ADAM19: variants seen among roughly 807,000 people sequenced by gnomAD.
ADAM19 encodes ADAM metallopeptidase domain 19.
In ADAM19, 65 loss-of-function variants were observed where a neutral mutation model predicts 114.7. That is an observed-to-expected ratio of 0.57 (90% CI 0.46 to 0.70). ADAM19 has a LOEUF of 0.70. Among genes scored for constraint, ADAM19 ranks in the 30% least tolerant of loss-of-function variants. ADAM19 has a pLI of 0.00. For synonymous variants in ADAM19, 466 were observed against 460.5 expected, an observed-to-expected ratio of 1.01 and a Z score of -0.15; for missense variants, 1,063 against 1,204.7, an observed-to-expected ratio of 0.88 and a Z score of 1.74.
chr5:157,558,176 G>A (rs886099738), intron 3 of ADAM19, among the ~76,000 whole-genome samples: 3 of 152,184 alleles, frequency 2.0e-5, no homozygotes, highest in East Asian at 1.9e-4. Context: ...TGCCTTCAGC[G>A]TCAACACAGC....
At position 157,477,625 on chromosome 5, in the gene ADAM19, C is replaced by T. The variant is rs10404; in HGVS notation, c.*3324G>A. ...TGGGGAAGGGGACCTTTCCAGTTGGCGTTCCCATGGCTTTCTTGGGTGTCC... is the reference window on the plus strand; with the variant it reads ...TGGGGAAGGGGACCTTTCCAGTTGGTGTTCCCATGGCTTTCTTGGGTGTCC... On this transcript the variant is annotated 3_prime_UTR_variant, in exon 23 of 23. Transcript: ENST00000257527. 0.28 allele frequency: 352,544 copies of T among 1,280,684 alleles called. 51,526 individuals carry two copies. The highest frequency in any genetic ancestry group is 0.72 in the East Asian group (12,904 of 17,826). The allele number at this position is 1,280,684 out of a possible 1,614,324, so 79.3% of individuals were successfully genotyped here.
At chr5:157,508,949 C>T (rs187114149) in intron 9 of ADAM19, among the ~76,000 whole-genome samples, 58 of 152,340 alleles carry the variant, frequency 3.8e-4, no homozygotes, top group African/African-American at 1.3e-3. Context: ...TAGAACAAAG[C>T]GCCAGGAAGA....
intron 5 of ADAM19, among the ~76,000 whole-genome samples, chr5:157,523,390 G>A (rs531877186): frequency 6.6e-6 from 1 of 152,320 alleles, no homozygotes; most frequent in African/African-American, 2.4e-5. Flanking sequence ...TGTTGGAGGT[G>A]GGCCTGGTAG....
At chr5:157,541,390 C>T (rs941889338) in intron 3 of ADAM19, among the ~76,000 whole-genome samples, 1 of 152,150 alleles carries the variant, frequency 6.6e-6, no homozygotes, top group African/African-American at 2.4e-5. Flanking sequence ...TCTGTTCTAC[C>T]CTGCTGCCCC....
intron 5 of ADAM19, among the ~76,000 whole-genome samples, chr5:157,527,019 GT>G (rs1248640429): frequency 6.6e-6 from 1 of 152,016 alleles, no homozygotes; most frequent in African/African-American, 2.4e-5. Flanking sequence ...ATATTAGTCC[GT>G]TTTCACACTG....
chr5:157,542,359 C>T (rs1435783984), intron 3 of ADAM19, among the ~76,000 whole-genome samples: 1 of 151,954 alleles, frequency 6.6e-6, no homozygotes, highest in Non-Finnish European at 1.5e-5. Flanking sequence ...TATTTCTAGC[C>T]TCCTAATCAC....
intron 3 of ADAM19, among the ~76,000 whole-genome samples, chr5:157,539,697 C>A (rs1756865877): frequency 6.6e-6 from 1 of 152,208 alleles, no homozygotes; most frequent in Non-Finnish European, 1.5e-5. Context: ...CAGTGGCTAA[C>A]CTGCCAGAAT....
At chr5:157,530,684 G>T in intron 5 of ADAM19, 123 bp downstream of exon 5, 1 of 751,856 alleles carries the variant, frequency 1.3e-6, no homozygotes, top group Non-Finnish European at 2.3e-6. Flanking sequence ...CCCCTCTCTG[G>T]GCTGGCTTGC....
chr5:157,523,256 G>C (rs774730122), intron 5 of ADAM19, among the ~76,000 whole-genome samples: 1 of 152,162 alleles, frequency 6.6e-6, no homozygotes, highest in Non-Finnish European at 1.5e-5. Context: ...AGATCTCTAG[G>C]AGCAGAGGTC....
rs1297648199 is a variant in ADAM19 at position 157,478,319 on chromosome 5, G to A, written c.*2630C>T. ...AAAAAAAAAAAAAAAAAAAAGGCTG[G>A]GCACAACGTCATTCCCTGAACGTGG... On this transcript the variant is annotated 3_prime_UTR_variant, in exon 23 of 23. Coordinates refer to ENST00000257527, the MANE Select transcript of ADAM19 (RefSeq NM_033274.5). 6.6e-6 allele frequency: 1 copy of A among 150,934 alleles called. No individual in the cohort carries two copies. The highest frequency in any genetic ancestry group is 2.5e-5 in the African/African-American group (1 of 40,778). 9.3% of individuals were successfully genotyped at this position (150,934 alleles called of 1,614,324 possible).
At chr5:157,525,950 A>G (rs1239769527) in intron 5 of ADAM19, among the ~76,000 whole-genome samples, 1 of 152,162 alleles carries the variant, frequency 6.6e-6, no homozygotes, top group Non-Finnish European at 1.5e-5. Context: ...TGATCCATCA[A>G]ATAGACCACT....
Position 157,519,909 on chromosome 5 carries a change from T to C in ADAM19, c.530A>G (p.Glu177Gly). 9 of 1,614,074 alleles carry C rather than the reference T, an allele frequency of 5.6e-6. No homozygotes were observed. The highest frequency in any genetic ancestry group is 7.6e-6 in the Non-Finnish European group (9 of 1,180,004). ...GTCCCTGGTGGTGGGCTTGGAGTGCTCGAACCCACAGTTTCCCGGGGGCGG... is the reference window on the plus strand; with the variant it reads ...GTCCCTGGTGGTGGGCTTGGAGTGCCCGAACCCACAGTTTCCCGGGGGCGG... The part of the protein sequence containing the change: ...LKPPPGNCGF[E>G]HSKPTTRDWA... Residue 177 changes from glutamate (E) to glycine (G), a missense_variant, in exon 6 of 23, where the codon GAG becomes GGG. Glu to Gly is a moderately conservative substitution (Grantham distance 98). Transcript: ENST00000257527.
In ADAM19 at chr5:157,491,730, C is replaced by G. The variant is rs1581293530; in HGVS notation, c.1987-7G>C. 6.2e-7 allele frequency: 1 copy of G among 1,600,244 alleles called. No homozygotes were observed. Among genetic ancestry groups the G allele is most frequent in the South Asian group, 1.1e-5 (1 of 89,396 alleles). ...TCTGGTTGTTGTTACAGACCTGGAGCAAAGAAAGGGCAGAGGCATCAGCAC... is the reference window on the plus strand; with the variant it reads ...TCTGGTTGTTGTTACAGACCTGGAGGAAAGAAAGGGCAGAGGCATCAGCAC... On this transcript the variant is annotated splice_polypyrimidine_tract_variant and splice_region_variant and intron_variant, in intron 17 of 22. Transcript: ENST00000257527.
intron 7 of ADAM19, among the ~76,000 whole-genome samples, chr5:157,518,471 G>T (rs769411331): frequency 6.6e-6 from 1 of 152,168 alleles, no homozygotes; most frequent in Non-Finnish European, 1.5e-5. Context: ...TGCAACCTCC[G>T]CCTCCCAGGT....
At position 157,507,135 on chromosome 5, in the gene ADAM19, A is replaced by G. The variant is rs1295887251; in HGVS notation, c.911T>C (p.Met304Thr). Residue 304 changes from methionine to threonine, a missense_variant, in exon 10 of 23, where the codon ATG becomes ACG. Coordinates refer to ENST00000257527, the MANE Select transcript of ADAM19 (RefSeq NM_033274.5). ...YHDNAQLITG[M>T]SFHGTTIGLA... ...GCCGATGGTGGTGCCGTGGAAGGAC[A>G]TGCCCCTGCAGGAGGCAAGGAGAGA... 4 of 1,613,904 alleles carry G rather than the reference A, an allele frequency of 2.5e-6. No homozygotes were observed. The highest frequency in any genetic ancestry group is 1.1e-5 in the South Asian group (1 of 91,078).
chr5:157,514,331 T>C (rs929984338), intron 7 of ADAM19, among the ~76,000 whole-genome samples: 1 of 140,326 alleles, frequency 7.1e-6, no homozygotes, highest in African/African-American at 2.6e-5. Flanking sequence ...CATTTCTTTC[T>C]TTTTTTTTTT....
At chr5:157,573,144 A>G (rs1423680219) in intron 1 of ADAM19, among the ~76,000 whole-genome samples, 3 of 152,252 alleles carry the variant, frequency 2.0e-5, no homozygotes, top group African/African-American at 7.2e-5. Context: ...TAATGGAATT[A>G]AATGATATCT....
chr5:157,478,705 T>C lies in ADAM19; in HGVS notation c.*2244A>G. On this transcript the variant is annotated 3_prime_UTR_variant, in exon 23 of 23. Transcript: ENST00000257527. ...GAAAGTCTATCAAATTCCAAAACAT[T>C]CCACCATCTTCCAGTTCACAGTACA... is the stretch of plus-strand genomic sequence containing the variant. 1.6e-5 allele frequency: 16 copies of C among 985,792 alleles called. No homozygotes were observed. The highest frequency in any genetic ancestry group is 1.9e-5 in the Non-Finnish European group (16 of 829,928). 61.1% of individuals were successfully genotyped at this position (985,792 alleles called of 1,614,324 possible). A position where few individuals can be genotyped will look rare whatever the true frequency, so the allele number is the denominator to read the frequency against.
At chr5:157,553,189 C>T (rs1232529014) in intron 3 of ADAM19, among the ~76,000 whole-genome samples, 1 of 152,162 alleles carries the variant, frequency 6.6e-6, no homozygotes, top group South Asian at 2.1e-4. Flanking sequence ...TATAATTGGA[C>T]TGTTTGCAAT....
Sources: gnomAD v4.1 joint callset for allele counts (sites outside exome capture counted in the v4.1 genomes callset) on GRCh38, gnomAD v4.1.1 for gene constraint, MANE v1.5 for transcripts, NCBI Gene and HGNC (gene_info 2026-07-23, HGNC 2026-07-21) for gene names.